The following PDZD2 variants were observed in gnomAD, a reference collection of about 807,000 sequenced individuals.
PDZD2 encodes the protein PDZ domain containing 2, also known as PDZ domain-containing protein 2.
PDZD2 carries 90 observed loss-of-function variants against 220.7 expected under a neutral mutation model. The observed-to-expected ratio is 0.41, with a 90% CI of 0.34 to 0.49. The LOEUF (loss-of-function observed/expected upper bound fraction) is 0.49, where lower values mean the gene tolerates loss of function less well. Among genes scored for constraint, PDZD2 ranks in the 20% least tolerant of loss-of-function variants. PDZD2 has a pLI of 0.28. For missense variants in PDZD2, 3,174 were observed against 3,608.5 expected (o/e 0.88, Z 3.08); for synonymous variants, 1,375 against 1,450.5 (o/e 0.95, Z 1.18).
At chr5:32,039,769 G>A (rs1755888798) in intron 7 of PDZD2, among the ~76,000 whole-genome samples, 1 of 151,180 alleles carries the variant, frequency 6.6e-6, no homozygotes, top group African/African-American at 2.4e-5. Context: ...TCTAGGAAGT[G>A]AGGAGCGTCT....
At chr5:32,099,950 T>A (rs1302123954) in intron 23 of PDZD2, 1 of 152,280 alleles carries the variant, frequency 6.6e-6, no homozygotes, top group Non-Finnish European at 1.5e-5. Context: ...AGCGTCCAGC[T>A]GGGGGCCCGG....
intron 4 of PDZD2, among the ~76,000 whole-genome samples, chr5:31,997,219 G>A (rs1751706501): frequency 6.6e-6 from 1 of 152,178 alleles, no homozygotes; most frequent in African/African-American, 2.4e-5. Context: ...GATTCTAAGA[G>A]GGGTGTGGCA....
chr5:31,786,011 C>T (rs1753360149), intron 1 of PDZD2, among the ~76,000 whole-genome samples: 1 of 152,126 alleles, frequency 6.6e-6, no homozygotes, highest in East Asian at 1.9e-4. Flanking sequence ...GAAATCTTTC[C>T]TTCTGAATTC....
chr5:31,769,505 C>T (rs1752221115), intron 1 of PDZD2, among the ~76,000 whole-genome samples: 1 of 152,120 alleles, frequency 6.6e-6, no homozygotes, highest in African/African-American at 2.4e-5. Context: ...TGCACAGCCT[C>T]CAAGGTAAAA....
At chr5:31,871,804 T>C (rs1393861521) in intron 2 of PDZD2, among the ~76,000 whole-genome samples, 3 of 151,656 alleles carry the variant, frequency 2.0e-5, no homozygotes, top group Non-Finnish European at 4.4e-5. Context: ...TGAACATAAA[T>C]ACAGGGTTTT....
chr5:31,817,185 C>CAAAAAA (rs33979989), intron 2 of PDZD2, among the ~76,000 whole-genome samples: 1 of 95,744 alleles, frequency 1.0e-5, no homozygotes, highest in Non-Finnish European at 2.0e-5. Flanking sequence ...GACTCCGTCT[C>CAAAAAA]AAAAAAAAAA....
At chr5:32,039,529 C>T (rs1025085885) in intron 7 of PDZD2, among the ~76,000 whole-genome samples, 3 of 152,200 alleles carry the variant, frequency 2.0e-5, no homozygotes, top group South Asian at 2.1e-4. Context: ...CCCGCCACCC[C>T]GTCTTAAGAA....
intron 10 of PDZD2, among the ~76,000 whole-genome samples, chr5:32,054,578 A>G (rs545458818): frequency 6.6e-5 from 10 of 151,786 alleles, no homozygotes; most frequent in African/African-American, 1.2e-4. Context: ...GCCCACCTCA[A>G]CCTCACAAAG....
At chr5:31,872,630 A>G (rs915335587) in intron 2 of PDZD2, among the ~76,000 whole-genome samples, 2 of 152,128 alleles carry the variant, frequency 1.3e-5, no homozygotes, top group Admixed American at 6.6e-5. Flanking sequence ...CATTGTTACG[A>G]ACATTGTATT....
intron 6 of PDZD2, among the ~76,000 whole-genome samples, chr5:32,034,610 C>T (rs988843535): frequency 3.3e-5 from 5 of 152,086 alleles, no homozygotes; most frequent in Non-Finnish European, 5.9e-5. Context: ...ATCCACCCGT[C>T]TCCGCTTCCC....
In PDZD2 at chr5:32,011,020, A is replaced by AC. The variant is rs1554024454; in HGVS notation, c.1407+538_1407+539insC. Among the ~76,000 whole-genome samples the AC allele has an allele frequency of 2.6e-3, 367 of 143,078 alleles. 4 individuals are homozygous for AC. The highest frequency in any genetic ancestry group is 8.9e-3 in the African/African-American group (342 of 38,420). 93.9% of individuals were successfully genotyped at this position (143,078 alleles called of 152,430 possible). On this transcript the variant is annotated intron_variant, in intron 6 of 24. Coordinates refer to ENST00000438447, the MANE Select transcript of PDZD2 (RefSeq NM_178140.4). ...TCCAAAAACCTCTCAAAAAAAAAAA[A>AC]AACAACAACAACAACAACAACTGGA...
At chr5:31,862,545 C>T (rs1211784294) in intron 2 of PDZD2, among the ~76,000 whole-genome samples, 1 of 151,348 alleles carries the variant, frequency 6.6e-6, no homozygotes, top group Non-Finnish European at 1.5e-5. Flanking sequence ...GGGAGACAAC[C>T]ATGGCACCTT....
chr5:32,107,726 T>TGTCA (rs1434380420), intron 24 of PDZD2, among the ~76,000 whole-genome samples: 5 of 152,230 alleles, frequency 3.3e-5, no homozygotes, highest in African/African-American at 1.2e-4. Context: ...ATCTTCCCCT[T>TGTCA]GTCAGTTTAT....
intron 13 of PDZD2, among the ~76,000 whole-genome samples, chr5:32,059,797 T>C (rs1393344186): frequency 3.3e-5 from 5 of 152,230 alleles, no homozygotes; most frequent in African/African-American, 1.2e-4. Context: ...TTATTAAGTA[T>C]TCTCTCAAAC....
intron 6 of PDZD2, among the ~76,000 whole-genome samples, chr5:32,011,229 C>T (rs542450146): frequency 1.3e-4 from 20 of 151,898 alleles, no homozygotes; most frequent in African/African-American, 4.3e-4. Context: ...TGGCTCATGC[C>T]TGTAACCCCA....
At position 32,087,752 on chromosome 5, in the gene PDZD2, A is replaced by T; in HGVS notation, c.4304A>T (p.Asp1435Val). ...TDIDSFIKELDASAARSPSSQ... is the reference protein window; with the variant it reads ...TDIDSFIKELVASAARSPSSQ... The stretch of plus-strand genomic sequence containing the variant: ...ATTGACAGCTTCATCAAGGAGCTGG[A>T]TGCTTCTGCAGCAAGGTCTCCGTCT... The change falls in exon 20 of 25, where the codon GAT (aspartate) becomes GTT (valine). Residue 1435 changes from aspartate to valine, a missense_variant. Physicochemically the swap from Asp to Val is radical, Grantham distance 152. Around this residue, in one of 4 missense-constraint regions of PDZD2, gnomAD observed 1,861 missense variants for 2,001.0 expected, o/e 0.93. Transcript: ENST00000438447. The surrounding 1 kb of genome is among the most constrained non-coding windows in gnomAD (Gnocchi z 4.0). 6.2e-7 allele frequency: 1 copy of T among 1,614,118 alleles called. No homozygotes were observed. Among genetic ancestry groups the T allele is most frequent in the Non-Finnish European group, 8.5e-7 (1 of 1,180,016 alleles).
At chr5:32,052,450 C>A in intron 8 of PDZD2, 161 bp from the exon 9 acceptor site, 1 of 652,590 alleles carries the variant, frequency 1.5e-6, no homozygotes, top group Non-Finnish European at 2.7e-6. Context: ...CCAGCACCTG[C>A]GATAGTATTT....
At chr5:32,027,064 G>A (rs1406302472) in intron 6 of PDZD2, among the ~76,000 whole-genome samples, 1 of 152,022 alleles carries the variant, frequency 6.6e-6, no homozygotes, top group Non-Finnish European at 1.5e-5. Flanking sequence ...CACCACGCCC[G>A]GCTGATTTTT....
intron 2 of PDZD2, among the ~76,000 whole-genome samples, chr5:31,898,928 C>T (rs1451364910): frequency 1.3e-5 from 2 of 150,024 alleles, no homozygotes; most frequent in Admixed American, 6.7e-5. Context: ...CCTGGGTACA[C>T]GCCATTCTCC....
Sources: allele counts gnomAD v4.1 joint callset (sites outside exome capture counted in the v4.1 genomes callset), GRCh38; gene constraint gnomAD v4.1.1; regional missense constraint gnomAD v4.1.1; non-coding constraint Gnocchi (gnomAD v3.1); transcripts MANE v1.5; gene names NCBI Gene and HGNC (gene_info 2026-07-23, HGNC 2026-07-21).